The following SYCP1 variants were observed in gnomAD, a reference collection of about 807,000 sequenced individuals.
SYCP1 encodes cancer/testis antigen 8.
In SYCP1, 64 loss-of-function variants were observed where a neutral mutation model predicts 153.1. The ratio of observed to expected loss-of-function variants is 0.42; its 90% CI spans 0.34 to 0.51. SYCP1 has a LOEUF of 0.51. SYCP1 is among the 20% of genes least tolerant of loss of function. SYCP1 has a pLI of 0.06. For missense variants in SYCP1, 997 were observed against 1,049.0 expected (o/e 0.95, Z 0.68); for synonymous variants, 384 against 341.8 (o/e 1.12, Z -1.36).
intron 11 of SYCP1, among the ~76,000 whole-genome samples, chr1:114,877,337 G>A (rs568850220): frequency 1.3e-5 from 2 of 152,100 alleles, no homozygotes; most frequent in African/African-American, 4.8e-5. Flanking sequence ...TCACAAGAAT[G>A]TTTCAGATTA....
rs1169722535 is a variant in SYCP1, at chr1:114,944,961, A to G, written c.2133A>G (p.Val711=). The part of the protein sequence containing the change: ...KRCQHKIAEM[V]ALMEKHKHQY... ...GTCAACATAAAATAGCTGAAATGGTAGCACTTATGGAAAAACATAAGGTAA... is the reference window on the plus strand; with the variant it reads ...GTCAACATAAAATAGCTGAAATGGTGGCACTTATGGAAAAACATAAGGTAA... Residue 711 remains valine (V), a synonymous_variant, in exon 25 of 32, where the codon GTA becomes GTG. Transcript: ENST00000369522. The G allele has an allele frequency of 1.9e-6, 3 of 1,592,502 alleles. No individual in the cohort carries two copies. Among genetic ancestry groups the G allele is most frequent in the Non-Finnish European group, 2.6e-6 (3 of 1,172,464 alleles).
chr1:114,978,860 A>C (rs1199593393), intron 28 of SYCP1, among the ~76,000 whole-genome samples: 1 of 151,702 alleles, frequency 6.6e-6, no homozygotes, highest in Non-Finnish European at 1.5e-5. Flanking sequence ...CAGAATGGTT[A>C]GATATAGACT....
chr1:114,981,846 A>G (rs1673177649), intron 29 of SYCP1, among the ~76,000 whole-genome samples: 1 of 152,046 alleles, frequency 6.6e-6, no homozygotes. Context: ...CAGATTTCAT[A>G]ACTTAATAGT....
At chr1:114,926,643 C>T (rs559455435) in intron 23 of SYCP1, 80 bp downstream of exon 23, 3 of 1,222,878 alleles carry the variant, frequency 2.5e-6, no homozygotes, top group Non-Finnish European at 3.4e-6. Flanking sequence ...CTTGTTTATA[C>T]AGTATAAATT....
chr1:114,993,958 A>T (rs1674097316), intron 30 of SYCP1, among the ~76,000 whole-genome samples: 1 of 151,284 alleles, frequency 6.6e-6, no homozygotes, highest in Non-Finnish European at 1.5e-5. Flanking sequence ...AATATCTCAT[A>T]TAAGTAGAAT....
chr1:114,871,698 G>A (rs1320929634), intron 8 of SYCP1, among the ~76,000 whole-genome samples: 6 of 151,532 alleles, frequency 4.0e-5, no homozygotes, highest in African/African-American at 1.2e-4. Context: ...TCAGCCTCCC[G>A]AGTAGCTGGT....
At chr1:114,862,056 C>A (rs952336156) in intron 8 of SYCP1, among the ~76,000 whole-genome samples, 1 of 152,004 alleles carries the variant, frequency 6.6e-6, no homozygotes, top group Non-Finnish European at 1.5e-5. Flanking sequence ...CCACCTCAGC[C>A]TCTCAAAATG....
chr1:114,962,590 A>G (rs935777567), intron 27 of SYCP1, among the ~76,000 whole-genome samples: 2 of 152,150 alleles, frequency 1.3e-5, no homozygotes, highest in Non-Finnish European at 2.9e-5. Flanking sequence ...AAGACAGCAC[A>G]TACTTGGGTT....
In SYCP1 at chr1:114,911,597, T is replaced by C. The variant is rs1393348473; in HGVS notation, c.1529+15T>C. On this transcript the variant is annotated intron_variant, in intron 18 of 31. Transcript: ENST00000369522. Reference sequence around the variant, plus strand: ...GAAAACGAGAAGTATGTTTTCCATTTATCTAAAAATAGTTTATGTACTCAA... The same window carrying C: ...GAAAACGAGAAGTATGTTTTCCATTCATCTAAAAATAGTTTATGTACTCAA... 6.4e-6 allele frequency: 9 copies of C among 1,407,724 alleles called. No individual in the cohort carries two copies. The highest frequency in any genetic ancestry group is 4.7e-5 in the Admixed American group (2 of 42,714). 87.2% of individuals were successfully genotyped at this position (1,407,724 alleles called of 1,614,324 possible).
At chr1:114,902,598 C>T (rs570875196) in intron 16 of SYCP1, among the ~76,000 whole-genome samples, 6 of 150,576 alleles carry the variant, frequency 4.0e-5, no homozygotes, top group Admixed American at 2.6e-4. Context: ...CCTGAGGCCC[C>T]GCCCTGTCCT....
At chr1:114,923,297 T>G in intron 20 of SYCP1, 152 bp from the exon 21 acceptor site, 1 of 723,450 alleles carries the variant, frequency 1.4e-6, no homozygotes, top group Non-Finnish European at 2.1e-6. Flanking sequence ...TTGGGGGCTC[T>G]TGTTTGTACT....
intron 20 of SYCP1, among the ~76,000 whole-genome samples, chr1:114,922,560 G>A (rs535658150): frequency 1.3e-4 from 20 of 152,146 alleles, no homozygotes; most frequent in Admixed American, 1.0e-3. Flanking sequence ...GCAAGAGTTC[G>A]CTATTGCAGG....
rs559183991 is a variant in SYCP1 at position 114,964,942 on chromosome 1, A to G, written c.2323-12615A>G. Among the ~76,000 whole-genome samples the G allele has an allele frequency of 2.0e-4, 30 of 152,180 alleles. 1 individual carries two copies. The South Asian group carries it at 6.2e-3, about 32-fold the overall frequency. On this transcript the variant is annotated intron_variant, in intron 27 of 31. Transcript: ENST00000369522. ...GATGGGGATAGCATTGAATCTGTAAATTACTTTGGGCAGCATGGCCATTTT... is the reference window on the plus strand; with the variant it reads ...GATGGGGATAGCATTGAATCTGTAAGTTACTTTGGGCAGCATGGCCATTTT...
At chr1:114,872,511 C>T (rs360630) in intron 8 of SYCP1, among the ~76,000 whole-genome samples, 89,611 of 151,926 alleles carry the variant, frequency 0.59, 26,773 homozygotes, top group African/African-American at 0.66. Context: ...GGTGTAGTGT[C>T]TTTGGCATTT....
chr1:114,920,525 T>C (rs1271355097), intron 20 of SYCP1, among the ~76,000 whole-genome samples: 3 of 152,134 alleles, frequency 2.0e-5, no homozygotes, highest in Non-Finnish European at 4.4e-5. Flanking sequence ...TGATTGATGT[T>C]TCTTTGGATG....
rs73000533 is a variant in SYCP1 at position 114,876,910 on chromosome 1, T to A, written c.801+100T>A. ...TTATATTTACTGAAAGTATGATAAA[T>A]TCCTATGAGAGAATTTTAATATTAT... On this transcript the variant is annotated intron_variant, in intron 11 of 31. Coordinates refer to ENST00000369522, the MANE Select transcript of SYCP1 (RefSeq NM_003176.4). 1,301 of 564,466 alleles carry A rather than the reference T, an allele frequency of 2.3e-3. 10 individuals are homozygous for A. The highest frequency in any genetic ancestry group is 0.023 in the African/African-American group (1,167 of 51,066). 35.0% of individuals were successfully genotyped at this position (564,466 alleles called of 1,614,324 possible).
intron 15 of SYCP1, among the ~76,000 whole-genome samples, chr1:114,892,424 C>A (rs1666776901): frequency 1.3e-5 from 2 of 152,242 alleles, no homozygotes; most frequent in Admixed American, 1.3e-4. Context: ...CGCTTCAGCC[C>A]CAGGCATCAG....
chr1:114,959,366 A>T (rs915889080), intron 27 of SYCP1, among the ~76,000 whole-genome samples: 9 of 152,232 alleles, frequency 5.9e-5, no homozygotes, highest in Admixed American at 5.2e-4. Flanking sequence ...TTGGTTTGCT[A>T]GCATTTTGAG....
intron 12 of SYCP1, among the ~76,000 whole-genome samples, chr1:114,881,184 T>C (rs1665900105): frequency 6.6e-6 from 1 of 152,176 alleles, no homozygotes; most frequent in South Asian, 2.1e-4. Flanking sequence ...TTTAGTTCTA[T>C]AGATGGAACA....
Sources: gnomAD v4.1 joint callset for allele counts (sites outside exome capture counted in the v4.1 genomes callset) on GRCh38, gnomAD v4.1.1 for gene constraint, MANE v1.5 for transcripts, NCBI Gene and HGNC (gene_info 2026-07-23, HGNC 2026-07-21) for gene names.